LRP5: variants seen among roughly 807,000 people sequenced by gnomAD.
LRP5 encodes the protein low-density lipoprotein receptor-related protein 5.
Under a neutral mutation model 154.1 loss-of-function variants are expected in LRP5, and 62 were observed. That is an observed-to-expected ratio of 0.40 (90% CI 0.33 to 0.50). The LOEUF is 0.50. Among genes scored for constraint, LRP5 ranks in the 20% least tolerant of loss-of-function variants. The pLI is 0.55. For missense variants in LRP5, 1,915 were observed against 2,336.7 expected (o/e 0.82, Z 3.72); for synonymous variants, 966 against 1,011.5 (o/e 0.96, Z 0.85).
At chr11:68,404,831 G>A (rs71459698) in intron 8 of LRP5, among the ~76,000 whole-genome samples, 1 of 151,872 alleles carries the variant, frequency 6.6e-6, no homozygotes, top group African/African-American at 2.4e-5. Flanking sequence ...TTAGCCGGGT[G>A]CGGTGGCAGG....
intron 5 of LRP5, among the ~76,000 whole-genome samples, chr11:68,376,512 A>G (rs894985159): frequency 6.6e-6 from 1 of 152,186 alleles, no homozygotes; most frequent in African/African-American, 2.4e-5. Flanking sequence ...GGCCTGAGGC[A>G]CACGGTGCCG....
At chr11:68,444,654 C>T (rs930613247) in intron 21 of LRP5, among the ~76,000 whole-genome samples, 6 of 145,044 alleles carry the variant, frequency 4.1e-5, no homozygotes, top group African/African-American at 1.0e-4. Flanking sequence ...GAGACATTGC[C>T]GAGGCGCTGC....
At chr11:68,325,162 A>G (rs766343694) in intron 1 of LRP5, among the ~76,000 whole-genome samples, 22 of 152,112 alleles carry the variant, frequency 1.4e-4, no homozygotes, top group Non-Finnish European at 2.5e-4. Flanking sequence ...ATCTGATCTC[A>G]CCACAGTCAG....
In LRP5 at chr11:68,377,018, C is replaced by T. The variant is rs116064448; in HGVS notation, c.1016-9298C>T. ...CAGGGAGGGCTGGCGCGGTGGCTCA[C>T]GCCTGTAATCCCAGCACTTTAGGAA... is the stretch of plus-strand genomic sequence containing the variant. On this transcript the variant is annotated intron_variant, in intron 5 of 22. Transcript: ENST00000294304. Among the ~76,000 whole-genome samples the T allele has an allele frequency of 2.9e-3, 444 of 152,256 alleles. 1 individual carries two copies. Among genetic ancestry groups the T allele is most frequent in the African/African-American group, 9.9e-3 (411 of 41,560 alleles).
At chr11:68,308,948 G>A (rs111479526), upstream of LRP5, among the ~76,000 whole-genome samples, 3,970 of 42,312 alleles carry the variant, frequency 0.094, 217 homozygotes, top group African/African-American at 0.26. Context: ...TTTTTTTTTT[G>A]AGACGGAGTC....
chr11:68,374,397 G>A (rs1006582709), intron 5 of LRP5, among the ~76,000 whole-genome samples: 10 of 152,206 alleles, frequency 6.6e-5, no homozygotes, highest in South Asian at 6.2e-4. Context: ...AGTGATTGGC[G>A]TTGACTTTGC....
chr11:68,364,324 A>G (rs1000703980), intron 4 of LRP5, among the ~76,000 whole-genome samples: 22 of 150,660 alleles, frequency 1.5e-4, no homozygotes, highest in African/African-American at 2.2e-4. Context: ...GTATGTGTGT[A>G]TATATATATA....
At position 68,446,461 on chromosome 11, in the gene LRP5, CCACGGA is replaced by C. The variant is rs2098681450; in HGVS notation, c.4516_4521del (p.Thr1506_Asp1507del). The C allele has an allele frequency of 6.2e-7, 1 of 1,614,040 alleles. No individual in the cohort carries two copies. Among genetic ancestry groups the C allele is most frequent in the Non-Finnish European group, 8.5e-7 (1 of 1,179,920 alleles). ...ATCCTGAACCCGCCGCCCTCCCCGG[CCACGGA>C]CCCCTCCCTGTACAACATGGACATG... On this transcript the variant is annotated inframe_deletion, in exon 22 of 23. Coordinates refer to ENST00000294304, the MANE Select transcript of LRP5 (RefSeq NM_002335.4).
upstream of LRP5, among the ~76,000 whole-genome samples, chr11:68,311,376 C>A (rs942847788): frequency 2.0e-5 from 3 of 151,848 alleles, no homozygotes; most frequent in South Asian, 6.2e-4. Context: ...TCTGCCCCAG[C>A]GCCTCCTCCG....
At chr11:68,373,462 G>A (rs1247110840) in intron 5 of LRP5, among the ~76,000 whole-genome samples, 1 of 152,184 alleles carries the variant, frequency 6.6e-6, no homozygotes, top group Non-Finnish European at 1.5e-5. Flanking sequence ...CAGGGTGACC[G>A]CTAGCCCTGG....
Position 68,365,632 on chromosome 11 carries a change from C to G in LRP5, c.945C>G (p.Ser315Arg), listed in dbSNP as rs749461497. 6.2e-7 allele frequency: 1 copy of G among 1,613,592 alleles called. No individual in the cohort carries two copies. Among genetic ancestry groups the G allele is most frequent in the South Asian group, 1.1e-5 (1 of 91,062 alleles). ...CCCACCTGTGCCTGCTGTCCCCAAG[C>G]GAGCCTTTCTACACATGCGCCTGCC... ...GCSHLCLLSP[S>R]EPFYTCACPT... Residue 315 changes from serine to arginine, a missense_variant, in exon 5 of 23, where the codon AGC becomes AGG. By Grantham distance (110) the Ser-to-Arg change is moderately radical (BLOSUM62 -1). This residue lies in a region of LRP5 where 773 missense variants were observed against 1,100.9 expected (regional missense o/e 0.70). Transcript: ENST00000294304.
chr11:68,364,230 A>G (rs1045198737), intron 4 of LRP5, among the ~76,000 whole-genome samples: 1 of 151,636 alleles, frequency 6.6e-6, no homozygotes, highest in African/African-American at 2.4e-5. Flanking sequence ...TGGCAAGGGG[A>G]TTTCCAAGGA....
intron 1 of LRP5, 132 bp from the exon 2 acceptor site, chr11:68,347,715 G>A: frequency 9.0e-7 from 1 of 1,113,480 alleles, no homozygotes. Context: ...CTTAGGGGTG[G>A]GAGGAAGGAA....
chr11:68,423,752 T>G lies in LRP5; in HGVS notation c.3236+55T>G. On this transcript the variant is annotated intron_variant, in intron 14 of 22. Transcript: ENST00000294304. This position sits in a 1 kb window ranked among gnomAD's most constrained non-coding sequence, Gnocchi z 4.7. The stretch of plus-strand genomic sequence containing the variant: ...TGCCCGTCCAGGCGTGCCCGCCGTG[T>G]CTTCTGCCGAATGCCAGCCTCTCAC... The G allele has an allele frequency of 6.5e-7, 1 of 1,536,626 alleles. No homozygotes were observed. Among genetic ancestry groups the G allele is most frequent in the Non-Finnish European group, 8.9e-7 (1 of 1,129,094 alleles).
intron 5 of LRP5, among the ~76,000 whole-genome samples, chr11:68,379,963 CT>C (rs1221984785): frequency 6.6e-6 from 1 of 152,246 alleles, no homozygotes; most frequent in Non-Finnish European, 1.5e-5. Flanking sequence ...GAAACCCCGT[CT>C]CTACTAAAAA....
At chr11:68,448,040 T>G (rs924737337) in intron 22 of LRP5, among the ~76,000 whole-genome samples, 1 of 152,212 alleles carries the variant, frequency 6.6e-6, no homozygotes, top group Non-Finnish European at 1.5e-5. Context: ...GGACTCACAG[T>G]TCCACCTGCC....
At chr11:68,372,908 G>T (rs529566599) in intron 5 of LRP5, among the ~76,000 whole-genome samples, 4 of 152,058 alleles carry the variant, frequency 2.6e-5, no homozygotes, top group African/African-American at 9.7e-5. Context: ...AGGTCAGGAG[G>T]GGGGCAGGGC....
intron 5 of LRP5, among the ~76,000 whole-genome samples, chr11:68,376,196 A>C (rs1472621813): frequency 1.2e-5 from 1 of 85,856 alleles, no homozygotes; most frequent in Non-Finnish European, 2.6e-5. Flanking sequence ...TTTTTTTTTT[A>C]ATTGAGACAG....
intron 3 of LRP5, among the ~76,000 whole-genome samples, chr11:68,359,255 C>T (rs2098625692): frequency 6.6e-6 from 1 of 152,180 alleles, no homozygotes; most frequent in South Asian, 2.1e-4. Context: ...GAGGCCGGGA[C>T]ATCCACTTCC....
Sources: allele counts gnomAD v4.1 joint callset (sites outside exome capture counted in the v4.1 genomes callset), GRCh38; gene constraint gnomAD v4.1.1; regional missense constraint gnomAD v4.1.1; non-coding constraint Gnocchi (gnomAD v3.1); transcripts MANE v1.5; gene names NCBI Gene and HGNC (gene_info 2026-07-23, HGNC 2026-07-21).